MARF1: variants seen among roughly 807,000 people sequenced by gnomAD.
The protein encoded by MARF1 is meiosis regulator and mRNA stability factor 1, also known as limkain-b1.
A neutral mutation model predicts 168.2 loss-of-function variants in MARF1; 24 were observed. That is an observed-to-expected ratio of 0.14 (90% CI 0.10 to 0.20). MARF1 has a LOEUF of 0.20. Among genes scored for constraint, MARF1 ranks in the 10% least tolerant of loss-of-function variants. The pLI is 1.00. For synonymous variants in MARF1, 868 were observed against 822.4 expected, an observed-to-expected ratio of 1.06 and a Z score of -0.95; for missense variants, 1,744 against 2,143.6, an observed-to-expected ratio of 0.81 and a Z score of 3.68.
intron 14 of MARF1, 43 bp downstream of exon 14, chr16:15,617,256 C>G (rs768436158): frequency 6.2e-7 from 1 of 1,610,206 alleles, no homozygotes; most frequent in East Asian, 2.2e-5. Flanking sequence ...GTTCCACAAT[C>G]TTATAGAAAA....
At chr16:15,640,244 G>A (rs921551932) in intron 1 of MARF1, among the ~76,000 whole-genome samples, 8 of 152,170 alleles carry the variant, frequency 5.3e-5, no homozygotes, top group Non-Finnish European at 4.4e-5. Context: ...AGTGGCCTCT[G>A]TGGACTTTGA....
rs915771961 is a variant in MARF1 at position 15,596,858 on chromosome 16, G to A, written c.5064C>T (p.Ser1688=). The change falls in exon 27 of 27, where the codon AGC becomes AGT. Residue 1688 remains serine, a synonymous_variant. Transcript: ENST00000396368. ...GGACAGCTGCTGAGATGCAGGACGA[G>A]CTGGAGTCAGAGGTCAGAGTTTTGC... ...GKSKTLTSDS[S]SSCISAAVPV... 2.5e-6 allele frequency: 4 copies of A among 1,613,984 alleles called. No individual in the cohort carries two copies. Among genetic ancestry groups the A allele is most frequent in the African/African-American group, 2.7e-5 (2 of 74,928 alleles).
chr16:15,613,733 T>A (rs1157482896), intron 16 of MARF1, among the ~76,000 whole-genome samples: 1 of 151,794 alleles, frequency 6.6e-6, no homozygotes, highest in Non-Finnish European at 1.5e-5. Flanking sequence ...TGTGGGCTCA[T>A]GGCTTAGGAG....
At chr16:15,600,824 C>T (rs76316074) in intron 23 of MARF1, 123 bp from the exon 24 acceptor site, 1 of 952,622 alleles carries the variant, frequency 1.0e-6, no homozygotes, top group African/African-American at 1.6e-5. Context: ...GAGTTACTGC[C>T]AAGAAGCATG....
chr16:15,598,040 A>G (rs1166338927), intron 26 of MARF1, among the ~76,000 whole-genome samples: 1 of 152,224 alleles, frequency 6.6e-6, no homozygotes, highest in Non-Finnish European at 1.5e-5. Flanking sequence ...GTGACCTGGA[A>G]AGCAGCACCA....
At chr16:15,624,052 C>T (rs1406507489) in intron 10 of MARF1, among the ~76,000 whole-genome samples, 5 of 152,092 alleles carry the variant, frequency 3.3e-5, no homozygotes, top group Non-Finnish European at 7.4e-5. Context: ...ACTGGGACTG[C>T]AGGCACTCAC....
At position 15,604,386 on chromosome 16, in the gene MARF1, C is replaced by G. The variant is rs2032819162; in HGVS notation, c.4195G>C (p.Glu1399Gln). The G allele has an allele frequency of 1.9e-6, 3 of 1,612,896 alleles. No homozygotes were observed. Among genetic ancestry groups the G allele is most frequent in the African/African-American group, 2.7e-5 (2 of 74,892 alleles). The change falls in exon 22 of 27, where the codon GAA becomes CAA. Residue 1399 changes from glutamate to glutamine, a missense_variant. By Grantham distance (29) the Glu-to-Gln change is conservative. Transcript: ENST00000396368. ...LCHVVKVADI[E>Q]SGRQIQLINR... ...ATCAGCTGAATCTGTCTGCCAGATTCTATATCGGCAACCTGGGGAAAACGA... is the reference window on the plus strand; with the variant it reads ...ATCAGCTGAATCTGTCTGCCAGATTGTATATCGGCAACCTGGGGAAAACGA...
intron 16 of MARF1, 96 bp downstream of exon 16, chr16:15,615,734 G>T: frequency 2.2e-6 from 2 of 928,192 alleles, no homozygotes; most frequent in Non-Finnish European, 3.0e-6. Context: ...TTTCACACTT[G>T]GCAAATTGTG....
chr16:15,627,065 G>A (rs987031899), intron 7 of MARF1, among the ~76,000 whole-genome samples: 9 of 151,744 alleles, frequency 5.9e-5, no homozygotes, highest in Admixed American at 1.3e-4. Context: ...ACGAACGAAC[G>A]AACTGGCCAG....
At chr16:15,602,380 A>G (rs570649701) in intron 22 of MARF1, 177 bp from the exon 23 acceptor site, 20 of 623,708 alleles carry the variant, frequency 3.2e-5, no homozygotes, top group African/African-American at 2.4e-4. Context: ...GACGAAGAAG[A>G]AGGAGACGAC....
Position 15,636,094 on chromosome 16 carries a change from G to A in MARF1, c.393C>T (p.His131=). 1 of 1,614,240 alleles carries A rather than the reference G, an allele frequency of 6.2e-7. No individual in the cohort carries two copies. The highest frequency in any genetic ancestry group is 8.5e-7 in the Non-Finnish European group (1 of 1,180,036). Residue 131 remains histidine, a synonymous_variant, in exon 3 of 27, where the codon CAC becomes CAT. Transcript: ENST00000396368. ...GGSGGTSSLI[H]PGALLDSQST... ...TTTGCGAGTCTAACAGTGCGCCCGG[G>A]TGAATCAAGCTACTGGTACCTCCGC...
At chr16:15,627,543 G>A (rs905903579) in intron 7 of MARF1, among the ~76,000 whole-genome samples, 3 of 152,134 alleles carry the variant, frequency 2.0e-5, no homozygotes, top group Non-Finnish European at 4.4e-5. Context: ...AATTGAACCC[G>A]GCAGGTGGAG....
At chr16:15,602,656 A>C (rs1339438862) in intron 22 of MARF1, 1 of 80,260 alleles carries the variant, frequency 1.2e-5, no homozygotes, top group Non-Finnish European at 2.3e-5. Context: ...GAAAAGGAGG[A>C]GGGATATATT....
At chr16:15,602,441 A>G (rs1453063746) in intron 22 of MARF1, 1 of 610,762 alleles carries the variant, frequency 1.6e-6, no homozygotes, top group African/African-American at 1.9e-5. Context: ...ACGACGAGAC[A>G]AAAACGAAGA....
intron 1 of MARF1, among the ~76,000 whole-genome samples, chr16:15,642,238 C>A (rs867910873): frequency 6.6e-6 from 1 of 152,178 alleles, no homozygotes; most frequent in African/African-American, 2.4e-5. Flanking sequence ...GCTCTTCTGT[C>A]CAAAACGGCC....
Position 15,596,899 on chromosome 16 carries a change from G to T in MARF1, c.5023C>A (p.Pro1675Thr). The T allele has an allele frequency of 1.2e-6, 2 of 1,610,062 alleles. No homozygotes were observed. Among genetic ancestry groups the T allele is most frequent in the Non-Finnish European group, 1.7e-6 (2 of 1,177,676 alleles). Reference sequence around the variant, plus strand: ...AGAGTTTTGCTCTTTCCTGGTATTGGAATCTCCATTTTTTCTTCTTGGTTT... The same window carrying T: ...AGAGTTTTGCTCTTTCCTGGTATTGTAATCTCCATTTTTTCTTCTTGGTTT... ...ILNQEEKMEI[P>T]IPGKSKTLTS... is the part of the protein sequence containing the mutation. Residue 1675 changes from proline to threonine, a missense_variant, in exon 27 of 27, where the codon CCA (proline) becomes ACA (threonine). This residue lies in a region of MARF1 where 313 missense variants were observed against 337.4 expected (regional missense o/e 0.93). Coordinates refer to ENST00000396368, the MANE Select transcript of MARF1 (RefSeq NM_014647.4).
At chr16:15,600,222 A>T (rs2032273860) in intron 25 of MARF1, among the ~76,000 whole-genome samples, 1 of 152,184 alleles carries the variant, frequency 6.6e-6, no homozygotes, top group Non-Finnish European at 1.5e-5. Context: ...AGGGACTTTA[A>T]CCAGTCAACC....
In MARF1 at chr16:15,609,681, C is replaced by G; in HGVS notation, c.3796G>C (p.Asp1266His). The change falls in exon 20 of 27, where the codon GAT (aspartate) becomes CAT (histidine). Residue 1266 changes from aspartate (D) to histidine (H), a missense_variant. Coordinates refer to ENST00000396368, the MANE Select transcript of MARF1 (RefSeq NM_014647.4). ...TGGTGACGCAGCAAATCAACGACAT[C>G]CTTGGAGAACTGTTTTGTCCTTTCT... ...EIERTKQFSK[D>H]VVDLLRHQPH... The G allele has an allele frequency of 6.2e-7, 1 of 1,614,096 alleles. No individual in the cohort carries two copies. Among genetic ancestry groups the G allele is most frequent in the Non-Finnish European group, 8.5e-7 (1 of 1,180,024 alleles).
At chr16:15,630,119 T>C in intron 7 of MARF1, 2 of 414,438 alleles carry the variant, frequency 4.8e-6, no homozygotes, top group Non-Finnish European at 8.5e-6. Context: ...TTTCATATGA[T>C]ATTTTGAAAT....
Sources: allele counts gnomAD v4.1 joint callset (sites outside exome capture counted in the v4.1 genomes callset), GRCh38; gene constraint gnomAD v4.1.1; regional missense constraint gnomAD v4.1.1; transcripts MANE v1.5; gene names NCBI Gene and HGNC (gene_info 2026-07-23, HGNC 2026-07-21).